DOCK1: variants seen among roughly 807,000 people sequenced by gnomAD.
DOCK1 encodes dedicator of cytokinesis 1.
In DOCK1, 138 loss-of-function variants were observed where a neutral mutation model predicts 262.7. The ratio of observed to expected loss-of-function variants is 0.53; its 90% CI spans 0.46 to 0.61. DOCK1 has a LOEUF of 0.61. Ranked by LOEUF, DOCK1 falls within the 20% of genes least tolerant of loss-of-function variation. The probability of loss-of-function intolerance (pLI) is 0.00; values close to 1 mark genes in which losing one functional copy is unlikely to be tolerated. For synonymous variants in DOCK1, 866 were observed against 867.4 expected, an observed-to-expected ratio of 1.00 and a Z score of 0.03; for missense variants, 1,908 against 2,370.7, an observed-to-expected ratio of 0.80 and a Z score of 4.05.
At chr10:127,393,343 C>T (rs1181782156) in intron 38 of DOCK1, among the ~76,000 whole-genome samples, 3 of 152,142 alleles carry the variant, frequency 2.0e-5, no homozygotes, top group Non-Finnish European at 2.9e-5. Context: ...CCTGTCTCCT[C>T]GTGGCCCATT....
intron 27 of DOCK1, among the ~76,000 whole-genome samples, chr10:127,174,414 C>T (rs1274542974): frequency 2.0e-5 from 3 of 152,140 alleles, no homozygotes; most frequent in East Asian, 1.9e-4. Context: ...AGGAGGCTTC[C>T]GCACTGGGGA....
chr10:126,926,754 C>T (rs1418359852), intron 1 of DOCK1, among the ~76,000 whole-genome samples: 1 of 152,218 alleles, frequency 6.6e-6, no homozygotes, highest in Non-Finnish European at 1.5e-5. Flanking sequence ...CGTTACACGG[C>T]CGCAAGCCAA....
At chr10:126,975,174 G>T (rs2038423435) in intron 2 of DOCK1, among the ~76,000 whole-genome samples, 1 of 152,084 alleles carries the variant, frequency 6.6e-6, no homozygotes, top group Admixed American at 6.5e-5. Context: ...TGTGTTCTCT[G>T]TGTCCCTTTA....
At chr10:127,377,717 C>A (rs2065582034) in intron 35 of DOCK1, among the ~76,000 whole-genome samples, 1 of 151,878 alleles carries the variant, frequency 6.6e-6, no homozygotes, top group East Asian at 1.9e-4. Flanking sequence ...CATGGTAAAA[C>A]CCCATCTCTA....
chr10:127,205,852 T>C (rs1349705127), intron 27 of DOCK1, among the ~76,000 whole-genome samples: 1 of 152,202 alleles, frequency 6.6e-6, no homozygotes, highest in Non-Finnish European at 1.5e-5. Flanking sequence ...CTTTACTTCT[T>C]GACAAGCATG....
intron 9 of DOCK1, among the ~76,000 whole-genome samples, chr10:126,999,711 C>T (rs376623106): frequency 6.6e-6 from 1 of 152,190 alleles, no homozygotes; most frequent in African/African-American, 2.4e-5. Context: ...GAGTCTTGCT[C>T]TGTCACCCAG....
chr10:127,157,602 G>A (rs528492283), intron 27 of DOCK1, among the ~76,000 whole-genome samples: 4 of 152,314 alleles, frequency 2.6e-5, no homozygotes, highest in Non-Finnish European at 2.9e-5. Context: ...TTTGGCTGAC[G>A]TTTGTTGGTA....
chr10:127,214,861 C>G (rs531708744), intron 27 of DOCK1, among the ~76,000 whole-genome samples: 3 of 152,282 alleles, frequency 2.0e-5, no homozygotes, highest in Admixed American at 2.0e-4. Flanking sequence ...CTCCTCTTGT[C>G]CTAACCCAGA....
chr10:127,110,350 G>T lies in DOCK1; in HGVS notation c.2619G>T (p.Gln873His). 6.2e-7 allele frequency: 1 copy of T among 1,611,256 alleles called. No individual in the cohort carries two copies. Among genetic ancestry groups the T allele is most frequent in the Non-Finnish European group, 8.5e-7 (1 of 1,178,444 alleles). The change falls in exon 25 of 52, where the codon CAG becomes CAT. Residue 873 changes from glutamine (Q) to histidine (H), a missense_variant. Physicochemically the swap from Gln to His is conservative, Grantham distance 24 (BLOSUM62 0). Transcript: ENST00000623213. ...IEIVHSDLFT[Q>H]HDCREILLPM... Reference sequence around the variant, plus strand: ...TCGTCCACAGTGACCTCTTCACACAGCATGGTGAGTGGAACCCCAAGAATT... The same window carrying T: ...TCGTCCACAGTGACCTCTTCACACATCATGGTGAGTGGAACCCCAAGAATT...
intron 29 of DOCK1, among the ~76,000 whole-genome samples, chr10:127,305,488 A>C (rs938715763): frequency 6.6e-6 from 1 of 152,098 alleles, no homozygotes; most frequent in Non-Finnish European, 1.5e-5. Flanking sequence ...GCTGGACCTT[A>C]AGGGGACACT....
intron 29 of DOCK1, among the ~76,000 whole-genome samples, chr10:127,315,858 C>T (rs1490563206): frequency 1.3e-5 from 2 of 152,052 alleles, no homozygotes. Flanking sequence ...GCCCCCATGC[C>T]GGGCCAATTT....
chr10:127,172,821 C>T (rs749870619), intron 27 of DOCK1, among the ~76,000 whole-genome samples: 12 of 152,178 alleles, frequency 7.9e-5, no homozygotes, highest in Non-Finnish European at 1.3e-4. Context: ...GAACCAGGCA[C>T]TGTGCCATGT....
intron 29 of DOCK1, among the ~76,000 whole-genome samples, chr10:127,308,979 A>T (rs185927429): frequency 1.9e-3 from 294 of 152,272 alleles, no homozygotes; most frequent in African/African-American, 6.9e-3. Flanking sequence ...GTCAAATGGT[A>T]TTTCTGGTTC....
intron 19 of DOCK1, among the ~76,000 whole-genome samples, chr10:127,040,304 A>C (rs2135608463): frequency 6.6e-6 from 1 of 152,378 alleles, no homozygotes; most frequent in East Asian, 1.9e-4. Flanking sequence ...CCAGACCAGC[A>C]TGCCTTTTGG....
chr10:126,958,535 T>C (rs1027379760), intron 1 of DOCK1, among the ~76,000 whole-genome samples: 1 of 152,176 alleles, frequency 6.6e-6, no homozygotes, highest in African/African-American at 2.4e-5. Flanking sequence ...TGATGATGTC[T>C]TGATTTACAG....
rs2059537840 is a variant in DOCK1 at position 127,249,344 on chromosome 10, T to C, written c.2949+1235T>C. On this transcript the variant is annotated intron_variant, in intron 28 of 51. Transcript: ENST00000623213. ...TAGAAATGATCCTTTGAAAAAATAA[T>C]ATTTTTATACTTATATATACATATA... is the stretch of plus-strand genomic sequence containing the variant. Among the ~76,000 whole-genome samples the C allele has an allele frequency of 2.6e-5, 4 of 151,688 alleles. No individual in the cohort carries two copies. In the South Asian group the frequency reaches 8.3e-4, roughly 31 times the overall value.
At chr10:127,290,200 T>C (rs1044982715) in intron 29 of DOCK1, among the ~76,000 whole-genome samples, 6 of 152,238 alleles carry the variant, frequency 3.9e-5, no homozygotes, top group Non-Finnish European at 8.8e-5. Context: ...TGGATTTTCC[T>C]GAAATGAATG....
intron 1 of DOCK1, among the ~76,000 whole-genome samples, chr10:126,956,876 C>T (rs2036782097): frequency 1.3e-5 from 2 of 150,802 alleles, no homozygotes; most frequent in South Asian, 2.1e-4. Context: ...GAGATTTTGC[C>T]TGAGCAGTGG....
At chr10:127,304,904 C>A (rs1407594684) in intron 29 of DOCK1, among the ~76,000 whole-genome samples, 4 of 152,168 alleles carry the variant, frequency 2.6e-5, no homozygotes, top group East Asian at 1.9e-4. Flanking sequence ...ACAACAACAA[C>A]AAAAAAACTC....
Sources: gnomAD v4.1 joint callset for allele counts (sites outside exome capture counted in the v4.1 genomes callset) on GRCh38, gnomAD v4.1.1 for gene constraint, MANE v1.5 for transcripts, NCBI Gene and HGNC (gene_info 2026-07-23, HGNC 2026-07-21) for gene names.